Variants in SCEL observed in about 807,000 individuals in gnomAD.
SCEL encodes the protein sciellin.
SCEL carries 113 observed loss-of-function variants against 117.6 expected under a neutral mutation model. The ratio of observed to expected loss-of-function variants is 0.96; its 90% CI spans 0.83 to 1.12. SCEL has a LOEUF of 1.12. Among genes scored for constraint, SCEL ranks in the 50% most tolerant of loss-of-function variants. The pLI is 0.00. For synonymous variants in SCEL, 270 were observed against 256.2 expected, an observed-to-expected ratio of 1.05 and a Z score of -0.51; for missense variants, 785 against 810.8, an observed-to-expected ratio of 0.97 and a Z score of 0.39.
At chr13:77,610,815 T>G (rs1474997762) in intron 22 of SCEL, among the ~76,000 whole-genome samples, 3 of 152,180 alleles carry the variant, frequency 2.0e-5, no homozygotes, top group Non-Finnish European at 4.4e-5. Flanking sequence ...AAACAACTCT[T>G]AAAGTTGGGA....
intron 15 of SCEL, among the ~76,000 whole-genome samples, chr13:77,600,666 C>T (rs1383951015): frequency 6.6e-6 from 1 of 151,920 alleles, no homozygotes; most frequent in African/African-American, 2.4e-5. Flanking sequence ...ACTTACATGA[C>T]TGATATTATT....
At chr13:77,574,970 T>C (rs531556496) in intron 9 of SCEL, among the ~76,000 whole-genome samples, 78 of 152,294 alleles carry the variant, frequency 5.1e-4, no homozygotes, top group African/African-American at 1.8e-3. Flanking sequence ...CCACCTAATC[T>C]TTCCCTGAAA....
Position 77,602,704 on chromosome 13 carries a change from C to G in SCEL, c.1028C>G (p.Thr343Arg). ...VAKVNARMNK[T>R]SRRSEDLDNA... The stretch of plus-strand genomic sequence containing the variant: ...AAAGTGAATGCCAGGATGAATAAAA[C>G]GAGCAGAAGGTGAGAACTGAACAGA... Residue 343 changes from threonine (T) to arginine (R), a missense_variant, in exon 17 of 33, where the codon ACG becomes AGG. Thr to Arg is a moderately conservative substitution (Grantham distance 71). Coordinates refer to ENST00000349847, the MANE Select transcript of SCEL (RefSeq NM_144777.3). 1 of 1,613,356 alleles carries G rather than the reference C, an allele frequency of 6.2e-7. No homozygotes were observed. The highest frequency in any genetic ancestry group is 1.1e-5 in the South Asian group (1 of 91,026).
intron 10 of SCEL, 47 bp from the exon 11 acceptor site, chr13:77,591,348 G>A (rs975758167): frequency 6.1e-6 from 7 of 1,144,432 alleles, no homozygotes; most frequent in Non-Finnish European, 6.5e-6. Context: ...TTATCAAAAA[G>A]TGTTTTCTTT....
chr13:77,621,361 C>T (rs894886159), intron 27 of SCEL, among the ~76,000 whole-genome samples: 18 of 152,148 alleles, frequency 1.2e-4, no homozygotes, highest in Non-Finnish European at 1.5e-5. Context: ...CACCCACACA[C>T]CCTCTAACTT....
At chr13:77,595,498 A>C (rs1449306618) in intron 12 of SCEL, among the ~76,000 whole-genome samples, 1 of 152,196 alleles carries the variant, frequency 6.6e-6, no homozygotes, top group Non-Finnish European at 1.5e-5. Context: ...TTAATTTGCC[A>C]CAGAGTGTCT....
intron 1 of SCEL, among the ~76,000 whole-genome samples, chr13:77,543,128 G>A (rs1400423644): frequency 1.5e-5 from 2 of 137,252 alleles, no homozygotes; most frequent in Non-Finnish European, 3.0e-5. Context: ...CTGTTGCCCA[G>A]GCTGGAGTGC....
rs745674471 is a variant in SCEL at position 77,569,358 on chromosome 13, T to C, written c.399-13T>C. 10 of 1,610,192 alleles carry C rather than the reference T, an allele frequency of 6.2e-6. No homozygotes were observed. Among genetic ancestry groups the C allele is most frequent in the Non-Finnish European group, 8.5e-6 (10 of 1,176,646 alleles). On this transcript the variant is annotated splice_polypyrimidine_tract_variant and intron_variant, in intron 7 of 32. Transcript: ENST00000349847. ...TGAGAGTGGGATTAATTGTTGTTCTTGTCATTAAACAGGCAACCTGGCGGT... is the reference window on the plus strand; with the variant it reads ...TGAGAGTGGGATTAATTGTTGTTCTCGTCATTAAACAGGCAACCTGGCGGT...
rs569535016 is a variant in SCEL, at chr13:77,599,337, G to GTC, written c.808_809dup (p.Asp271LeufsTer11). 3.8e-4 allele frequency: 617 copies of GTC among 1,611,178 alleles called. 2 individuals are homozygous for GTC. The African/African-American group carries it at 7.5e-3, about 20-fold the overall frequency. ...AATCAATACATTTAAAGGAATCAAG[G>GTC]TCTTGATAGTCTCTTCAGAGCAAAT... is the stretch of plus-strand genomic sequence containing the variant. On this transcript the variant is annotated frameshift_variant, in exon 14 of 33. Transcript: ENST00000349847. LOFTEE classifies it high-confidence loss of function.
In SCEL at chr13:77,613,912, G is replaced by A; in HGVS notation, c.1408G>A (p.Glu470Lys). The change falls in exon 24 of 33, where the codon GAA (glutamate) becomes AAA (lysine). Residue 470 changes from glutamate to lysine, a missense_variant. Transcript: ENST00000349847. ...TTTTAGCAGTGAACAAGGTCTTGAT[G>A]AACATATTAATGTCAGCCCCAAAGC... is the stretch of plus-strand genomic sequence containing the variant. Reference protein sequence around the residue: ...ANKSSEQGLDEHINVSPKAVK... With the variant: ...ANKSSEQGLDKHINVSPKAVK... The A allele has an allele frequency of 6.2e-7, 1 of 1,613,464 alleles. No individual in the cohort carries two copies. The highest frequency in any genetic ancestry group is 8.5e-7 in the Non-Finnish European group (1 of 1,179,590).
intron 7 of SCEL, 90 bp from the exon 8 acceptor site, chr13:77,569,281 G>A (rs2085460568): frequency 2.1e-6 from 2 of 966,424 alleles, no homozygotes; most frequent in Non-Finnish European, 3.2e-6. Context: ...GAGCAGGCAG[G>A]AATATGAGTA....
At chr13:77,638,300 T>C (rs2090400607) in intron 30 of SCEL, among the ~76,000 whole-genome samples, 1 of 152,220 alleles carries the variant, frequency 6.6e-6, no homozygotes, top group Admixed American at 6.5e-5. Context: ...GTGTCTTGCC[T>C]GTAAGTCACA....
intron 27 of SCEL, among the ~76,000 whole-genome samples, chr13:77,627,316 A>G (rs2089789806): frequency 6.6e-6 from 1 of 152,206 alleles, no homozygotes; most frequent in Non-Finnish European, 1.5e-5. Context: ...TCTGAATGAG[A>G]TAATCCTTGT....
chr13:77,630,419 A>G (rs1339781517), intron 28 of SCEL, among the ~76,000 whole-genome samples: 2 of 152,164 alleles, frequency 1.3e-5, no homozygotes, highest in Admixed American at 6.5e-5. Context: ...TTGTTTATCT[A>G]TTCATCACCT....
At chr13:77,631,481 T>G (rs528555847) in intron 28 of SCEL, among the ~76,000 whole-genome samples, 1 of 152,274 alleles carries the variant, frequency 6.6e-6, no homozygotes, top group South Asian at 2.1e-4. Context: ...CATGAATCTG[T>G]AGTTTAGTTC....
At chr13:77,540,188 A>G (rs1593852738) in intron 1 of SCEL, among the ~76,000 whole-genome samples, 1 of 152,216 alleles carries the variant, frequency 6.6e-6, no homozygotes, top group East Asian at 1.9e-4. Context: ...TAAAAATTAA[A>G]AGAAAAATAA....
chr13:77,575,930 A>G (rs1872790655), intron 9 of SCEL, among the ~76,000 whole-genome samples: 1 of 152,162 alleles, frequency 6.6e-6, no homozygotes, highest in Non-Finnish European at 1.5e-5. Flanking sequence ...TAGCTTTATA[A>G]CTGTTGTTCC....
At chr13:77,618,863 A>G (rs1462864144) in intron 27 of SCEL, among the ~76,000 whole-genome samples, 1 of 152,206 alleles carries the variant, frequency 6.6e-6, no homozygotes, top group African/African-American at 2.4e-5. Context: ...AAGAATATTC[A>G]TGATCTTCAA....
intron 27 of SCEL, among the ~76,000 whole-genome samples, chr13:77,627,321 C>T (rs1471019071): frequency 3.3e-5 from 5 of 152,108 alleles, no homozygotes; most frequent in African/African-American, 1.2e-4. Context: ...ATGAGATAAT[C>T]CTTGTGAAAA....
Sources: allele counts gnomAD v4.1 joint callset (sites outside exome capture counted in the v4.1 genomes callset), GRCh38; gene constraint gnomAD v4.1.1; transcripts MANE v1.5; gene names NCBI Gene and HGNC (gene_info 2026-07-23, HGNC 2026-07-21).